The following KCNIP4 variants were observed in gnomAD, a reference collection of about 807,000 sequenced individuals.
The protein encoded by KCNIP4 is Kv channel-interacting protein 4.
Under a neutral mutation model 34.0 loss-of-function variants are expected in KCNIP4, and 12 were observed. That is an observed-to-expected ratio of 0.35 (90% CI 0.23 to 0.57). The LOEUF (loss-of-function observed/expected upper bound fraction) is 0.57. Among genes scored for constraint, KCNIP4 ranks in the 20% least tolerant of loss-of-function variants. KCNIP4 has a pLI of 0.83. For missense variants in KCNIP4, 238 were observed against 311.7 expected (o/e 0.76, Z 1.78); for synonymous variants, 124 against 102.2 (o/e 1.21, Z -1.29).
chr4:21,804,890 G>T (rs773215657), intron 1 of KCNIP4, among the ~76,000 whole-genome samples: 10 of 152,118 alleles, frequency 6.6e-5, no homozygotes, highest in Non-Finnish European at 1.0e-4. Context: ...ATGTTAGAAC[G>T]CTAAGAACAA....
At chr4:21,737,863 T>C (rs1196922462) in intron 1 of KCNIP4, among the ~76,000 whole-genome samples, 1 of 151,968 alleles carries the variant, frequency 6.6e-6, no homozygotes, top group East Asian at 1.9e-4. Context: ...GATGAGCAGA[T>C]CATAAGGTCA....
chr4:20,782,684 T>C (rs1756977493), intron 3 of KCNIP4, among the ~76,000 whole-genome samples: 2 of 152,038 alleles, frequency 1.3e-5, no homozygotes, highest in South Asian at 4.1e-4. Flanking sequence ...ACGAAACCAT[T>C]TTTTTCCTCC....
chr4:21,405,822 T>A (rs1451614034), intron 1 of KCNIP4, among the ~76,000 whole-genome samples: 1 of 152,190 alleles, frequency 6.6e-6, no homozygotes, highest in East Asian at 1.9e-4. Context: ...TGGCCTGTCA[T>A]CTTTTATTTT....
At chr4:20,845,359 A>G (rs1560509244) in intron 3 of KCNIP4, among the ~76,000 whole-genome samples, 1 of 152,110 alleles carries the variant, frequency 6.6e-6, no homozygotes, top group Non-Finnish European at 1.5e-5. Context: ...CAATCAACCT[A>G]GTGACACTGT....
At chr4:21,765,903 A>C (rs1718387358) in intron 1 of KCNIP4, among the ~76,000 whole-genome samples, 2 of 151,962 alleles carry the variant, frequency 1.3e-5, no homozygotes, top group African/African-American at 4.8e-5. Flanking sequence ...CCAGAGCCCA[A>C]GAGCAAAGAT....
At chr4:21,457,709 G>C (rs1291968836) in intron 1 of KCNIP4, among the ~76,000 whole-genome samples, 1 of 152,056 alleles carries the variant, frequency 6.6e-6, no homozygotes, top group Non-Finnish European at 1.5e-5. Flanking sequence ...AGGGTATGCA[G>C]AGCTGGCGTA....
At position 21,137,796 on chromosome 4, in the gene KCNIP4, T is replaced by C. The variant is rs536431260; in HGVS notation, c.62-255087A>G. Among the ~76,000 whole-genome samples the C allele has an allele frequency of 5.1e-4, 78 of 151,928 alleles. 1 individual carries two copies. The South Asian group carries it at 0.016, about 30-fold the overall frequency. On this transcript the variant is annotated intron_variant, in intron 1 of 8. Coordinates refer to ENST00000382152, the MANE Select transcript of KCNIP4 (RefSeq NM_025221.6). ...ATAGTAATAAAAACTCTAGATGTTA[T>C]TATGAACACGTTTAGAAATAATAGT...
chr4:21,468,084 TATAGGG>T (rs1730148068), intron 1 of KCNIP4, among the ~76,000 whole-genome samples: 1 of 152,002 alleles, frequency 6.6e-6, no homozygotes, highest in African/African-American at 2.4e-5. Flanking sequence ...ACTGGAGAAA[TATAGGG>T]GTAGGTAATC....
chr4:21,021,813 T>C (rs988867152), intron 1 of KCNIP4, among the ~76,000 whole-genome samples: 1 of 151,250 alleles, frequency 6.6e-6, no homozygotes, highest in Non-Finnish European at 1.5e-5. Context: ...TTTGAAAAAA[T>C]AAGTAGAAGG....
chr4:21,663,330 G>C (rs1262267435), intron 1 of KCNIP4, among the ~76,000 whole-genome samples: 1 of 152,086 alleles, frequency 6.6e-6, no homozygotes, highest in Non-Finnish European at 1.5e-5. Context: ...AAAGTGTGTA[G>C]ATTGTTGAGG....
intron 1 of KCNIP4, among the ~76,000 whole-genome samples, chr4:21,875,909 T>C (rs114291017): frequency 1.0e-3 from 154 of 152,274 alleles, no homozygotes; most frequent in Middle Eastern, 3.4e-3. Context: ...CTTATTGACT[T>C]AGAGGCATTT....
rs572580256 is a variant in KCNIP4 at position 21,743,444 on chromosome 4, C to T, written c.61+205127G>A. Among the ~76,000 whole-genome samples, 12 of 150,294 alleles carry T rather than the reference C, an allele frequency of 8.0e-5. 2 individuals are homozygous for T. The highest frequency in any genetic ancestry group is 2.7e-4 in the African/African-American group (11 of 40,784). On this transcript the variant is annotated intron_variant, in intron 1 of 8. Transcript: ENST00000382152. The stretch of plus-strand genomic sequence containing the variant: ...TAACTTATAGAGAATCTTGTGATTA[C>T]ATCAGGCTCACCCAGGAAGTATGGA...
chr4:21,736,521 T>C (rs1044642064), intron 1 of KCNIP4, among the ~76,000 whole-genome samples: 4 of 152,226 alleles, frequency 2.6e-5, no homozygotes, highest in South Asian at 2.1e-4. Context: ...CTAGTCACTT[T>C]CTCAAACAGT....
chr4:21,369,293 G>T (rs368942438), intron 1 of KCNIP4, among the ~76,000 whole-genome samples: 1 of 147,428 alleles, frequency 6.8e-6, no homozygotes, highest in Non-Finnish European at 1.5e-5. Flanking sequence ...CCAAATTACA[G>T]TTATGTTCTG....
In KCNIP4 at chr4:21,045,538, A is replaced by G. The variant is rs1742357186; in HGVS notation, c.62-162829T>C. 2.0e-5 allele frequency among the ~76,000 whole-genome samples: 3 copies of G among 152,206 alleles called. No homozygotes were observed. In the South Asian group the frequency reaches 6.2e-4, roughly 31 times the overall value. ...AGCAAAACAGGTCTCACCCAATTAG[A>G]AAGAGTCAAAGACAAAATTGCTGAC... On this transcript the variant is annotated intron_variant, in intron 1 of 8. Coordinates refer to ENST00000382152, the MANE Select transcript of KCNIP4 (RefSeq NM_025221.6).
chr4:21,948,026 T>C (rs1049182238), intron 1 of KCNIP4, among the ~76,000 whole-genome samples: 1 of 152,232 alleles, frequency 6.6e-6, no homozygotes, highest in Admixed American at 6.5e-5. Context: ...CCATTTTCTC[T>C]GAACACACTA....
chr4:20,964,691 A>C (rs1323479092), intron 1 of KCNIP4, among the ~76,000 whole-genome samples: 1 of 152,184 alleles, frequency 6.6e-6, no homozygotes, highest in Non-Finnish European at 1.5e-5. Context: ...GTGAATGTTG[A>C]CTATATTTAA....
intron 1 of KCNIP4, among the ~76,000 whole-genome samples, chr4:20,957,195 TCTTCAGATTCCACATTCTTC>T (rs1733401957): frequency 6.6e-6 from 1 of 152,218 alleles, no homozygotes; most frequent in Non-Finnish European, 1.5e-5. Flanking sequence ...CGGTTTTCTT[TCTTCAGATTCCACATTCTTC>T]CTTCAGATTC....
chr4:20,911,845 C>G (rs1728356026), intron 1 of KCNIP4, among the ~76,000 whole-genome samples: 1 of 152,186 alleles, frequency 6.6e-6, no homozygotes, highest in Admixed American at 6.5e-5. Context: ...TATTATCCCT[C>G]AGGTTGCAGA....
Sources: allele counts gnomAD v4.1 joint callset (sites outside exome capture counted in the v4.1 genomes callset), GRCh38; gene constraint gnomAD v4.1.1; transcripts MANE v1.5; gene names NCBI Gene and HGNC (gene_info 2026-07-23, HGNC 2026-07-21).